Variants in SLC2A9 observed in about 807,000 individuals in gnomAD.
The protein encoded by SLC2A9 is solute carrier family 2 member 9.
A neutral mutation model predicts 50.6 loss-of-function variants in SLC2A9; 39 were observed. That is an observed-to-expected ratio of 0.77 (90% CI 0.60 to 1.01). SLC2A9 has a LOEUF of 1.01. SLC2A9 is among the 50% of genes least tolerant of loss of function. The pLI, the probability that SLC2A9 is intolerant of heterozygous loss-of-function variation, is 0.00. For synonymous variants in SLC2A9, 324 were observed against 276.9 expected, an observed-to-expected ratio of 1.17 and a Z score of -1.69; for missense variants, 686 against 677.6, an observed-to-expected ratio of 1.01 and a Z score of -0.14.
At chr4:9,904,677 T>C (rs1740301962) in intron 8 of SLC2A9, among the ~76,000 whole-genome samples, 1 of 152,164 alleles carries the variant, frequency 6.6e-6, no homozygotes, top group African/African-American at 2.4e-5. Context: ...AATTCAGATG[T>C]GTTGGGCAAT....
intron 3 of SLC2A9, among the ~76,000 whole-genome samples, chr4:9,789,475 AAG>A (rs1026832562): frequency 9.9e-5 from 15 of 152,252 alleles, no homozygotes; most frequent in South Asian, 4.1e-4. Context: ...TCAATAATTC[AAG>A]AGTCAATATG....
intron 6 of SLC2A9, among the ~76,000 whole-genome samples, chr4:9,933,146 T>A (rs868760731): frequency 6.6e-6 from 1 of 152,204 alleles, no homozygotes; most frequent in Non-Finnish European, 1.5e-5. Context: ...GAATCTGGGA[T>A]ATGCATGGTG....
intron 6 of SLC2A9, 74 bp from the exon 7 acceptor site, chr4:9,920,646 G>A: frequency 6.3e-7 from 1 of 1,576,184 alleles, no homozygotes; most frequent in Non-Finnish European, 8.7e-7. Context: ...GGCCCTGCAG[G>A]GACGGGTCCC....
chr4:9,939,243 C>T (rs1012079311), intron 6 of SLC2A9, among the ~76,000 whole-genome samples: 1 of 152,164 alleles, frequency 6.6e-6, no homozygotes, highest in African/African-American at 2.4e-5. Context: ...TGCGAGTGAA[C>T]TTCAGCTGGC....
chr4:9,781,950 G>C (rs1426640139), intron 3 of SLC2A9: 9 of 1,246,766 alleles, frequency 7.2e-6, no homozygotes, highest in South Asian at 1.8e-5. Context: ...CGCATCCTCG[G>C]GGTGCCCGAT....
chr4:9,822,658 A>G (rs2109053808), downstream of SLC2A9, among the ~76,000 whole-genome samples: 1 of 152,312 alleles, frequency 6.6e-6, no homozygotes, highest in East Asian at 1.9e-4. Flanking sequence ...TTCAGTGTTT[A>G]AAAAAATACT....
intron 7 of SLC2A9, among the ~76,000 whole-genome samples, chr4:9,919,849 C>T (rs918819260): frequency 2.0e-4 from 31 of 152,190 alleles, no homozygotes; most frequent in African/African-American, 7.0e-4. Context: ...CCTTTGAGTG[C>T]CCTCAAGGGA....
chr4:9,871,306 G>C (rs1289051364), intron 10 of SLC2A9, among the ~76,000 whole-genome samples: 1 of 152,104 alleles, frequency 6.6e-6, no homozygotes, highest in Non-Finnish European at 1.5e-5. Flanking sequence ...GTTTTCTAGG[G>C]CTTCTGTCAC....
At chr4:9,788,796 A>C (rs1336134341) in intron 3 of SLC2A9, among the ~76,000 whole-genome samples, 1 of 152,102 alleles carries the variant, frequency 6.6e-6, no homozygotes, top group Non-Finnish European at 1.5e-5. Context: ...TGCTGTCATT[A>C]TTCTTTGAGT....
At chr4:9,799,794 G>A (rs1017307017) in intron 3 of SLC2A9, among the ~76,000 whole-genome samples, 1 of 150,048 alleles carries the variant, frequency 6.7e-6, no homozygotes, top group African/African-American at 2.5e-5. Context: ...CCAGGAGTGG[G>A]CAGTGGCCAA....
intron 10 of SLC2A9, among the ~76,000 whole-genome samples, chr4:9,836,125 T>G (rs1251241641): frequency 8.8e-6 from 1 of 113,432 alleles, no homozygotes; most frequent in Non-Finnish European, 1.8e-5. Flanking sequence ...AAAAGAATGA[T>G]ACAACAGACT....
chr4:9,947,280 T>G (rs1243025632), intron 5 of SLC2A9, among the ~76,000 whole-genome samples: 2 of 152,222 alleles, frequency 1.3e-5, no homozygotes, highest in African/African-American at 4.8e-5. Context: ...GGTTTGCAGG[T>G]GCTCTTTCTC....
downstream of SLC2A9, chr4:9,798,881 C>G (rs1000882874): frequency 2.0e-5 from 3 of 152,198 alleles, no homozygotes; most frequent in African/African-American, 7.2e-5. Context: ...GAAACTAATA[C>G]TTATTCTAGG....
intron 5 of SLC2A9, among the ~76,000 whole-genome samples, chr4:9,953,385 G>T (rs937023396): frequency 9.2e-5 from 14 of 152,228 alleles, no homozygotes; most frequent in Non-Finnish European, 1.9e-4. Flanking sequence ...AGCCACTGAG[G>T]GCCAGGTGGG....
intron 10 of SLC2A9, among the ~76,000 whole-genome samples, chr4:9,865,735 C>T (rs776601435): frequency 3.3e-5 from 5 of 152,332 alleles, no homozygotes; most frequent in Non-Finnish European, 7.3e-5. Context: ...CTCGATGCCA[C>T]ATGGCAGGGC....
intron 6 of SLC2A9, 24 bp from the exon 7 acceptor site, chr4:9,920,596 C>CT (rs1743756986): frequency 1.2e-6 from 2 of 1,613,918 alleles, no homozygotes; most frequent in Admixed American, 3.3e-5. Flanking sequence ...CACACATGGA[C>CT]TTTCAGCAGG....
chr4:10,034,271 T>A (rs915422319), intron 1 of SLC2A9: 1 of 152,288 alleles, frequency 6.6e-6, no homozygotes, highest in Non-Finnish European at 1.5e-5. Flanking sequence ...ACCCCGTACA[T>A]GAGCGCACCC....
intron 8 of SLC2A9, among the ~76,000 whole-genome samples, chr4:9,905,384 T>C (rs1577811155): frequency 6.6e-6 from 1 of 152,174 alleles, no homozygotes; most frequent in African/African-American, 2.4e-5. Context: ...AGCCTGACCA[T>C]GGGAGGAGCT....
downstream of SLC2A9, among the ~76,000 whole-genome samples, chr4:9,825,991 G>A (rs1370307887): frequency 6.6e-6 from 1 of 152,196 alleles, no homozygotes; most frequent in Non-Finnish European, 1.5e-5. Context: ...ACCTCAGTCT[G>A]TGATCTCTAA....
Sources: gnomAD v4.1 joint callset for allele counts (sites outside exome capture counted in the v4.1 genomes callset) on GRCh38, gnomAD v4.1.1 for gene constraint, MANE v1.5 for transcripts, NCBI Gene and HGNC (gene_info 2026-07-23, HGNC 2026-07-21) for gene names.